SBF2: variants seen among roughly 807,000 people sequenced by gnomAD.
SBF2 encodes the protein myotubularin-related protein 13.
A neutral mutation model predicts 225.2 loss-of-function variants in SBF2; 112 were observed. The ratio of observed to expected loss-of-function variants is 0.50; its 90% CI spans 0.43 to 0.58. SBF2 has a LOEUF of 0.58. SBF2 is among the 20% of genes least tolerant of loss of function. SBF2 has a pLI of 0.00. For synonymous variants in SBF2, 763 were observed against 773.3 expected (o/e 0.99, Z 0.22); for missense variants, 1,996 against 2,206.2 (o/e 0.90, Z 1.91).
chr11:9,989,402 T>G lies in SBF2; in HGVS notation c.1395+95A>C, dbSNP rs374352471. On this transcript the variant is annotated intron_variant, in intron 13 of 39. Transcript: ENST00000256190. ...CACAAATCAACACTAAAGAGCTCAC[T>G]CACGTAACCACGTAACACCCGTACC... 4.6e-5 allele frequency: 34 copies of G among 746,328 alleles called. 1 individual carries two copies. The highest frequency in any genetic ancestry group is 3.0e-4 in the East Asian group (11 of 36,578). 46.2% of individuals were successfully genotyped at this position (746,328 alleles called of 1,614,324 possible). A position where few individuals can be genotyped will look rare whatever the true frequency, so the allele number is the denominator to read the frequency against.
rs1410722849 is a variant in SBF2 at position 10,259,450 on chromosome 11, C to T, written c.55+34565G>A. ...CATGCATTTCTTTTCTCTCACTCAA[C>T]AGGAAAACCTTGTCCTTAGAACCTA... is the stretch of plus-strand genomic sequence containing the variant. On this transcript the variant is annotated intron_variant, in intron 1 of 39. Transcript: ENST00000256190. Among the ~76,000 whole-genome samples, 4 of 152,268 alleles carry T rather than the reference C, an allele frequency of 2.6e-5. No homozygotes were observed. In the East Asian group the frequency reaches 7.7e-4, roughly 29 times the overall value.
chr11:10,263,334 G>GT (rs138113983), intron 1 of SBF2, among the ~76,000 whole-genome samples: 3,107 of 151,430 alleles, frequency 0.021, 100 homozygotes, highest in African/African-American at 0.063. Context: ...AAAAATTCAA[G>GT]TTTTTTTTTA....
chr11:9,812,754 TA>T (rs1228799051), intron 29 of SBF2, 46 bp from the exon 30 acceptor site: 2 of 1,594,024 alleles, frequency 1.3e-6, no homozygotes, highest in Non-Finnish European at 8.6e-7. Flanking sequence ...GTGCTATAGG[TA>T]AAAGAGTGAT....
chr11:10,227,767 T>A (rs1414293747), intron 1 of SBF2, among the ~76,000 whole-genome samples: 1 of 152,216 alleles, frequency 6.6e-6, no homozygotes, highest in Non-Finnish European at 1.5e-5. Flanking sequence ...TGCCTCCAGC[T>A]TTGTTCTTTT....
intron 2 of SBF2, among the ~76,000 whole-genome samples, chr11:10,151,303 T>C (rs1344080590): frequency 1.3e-5 from 2 of 152,236 alleles, no homozygotes; most frequent in African/African-American, 4.8e-5. Flanking sequence ...CTTTTTTCGC[T>C]GATTAGGGAG....
chr11:9,983,386 G>A (rs1248412878), intron 13 of SBF2, among the ~76,000 whole-genome samples: 1 of 152,110 alleles, frequency 6.6e-6, no homozygotes, highest in Non-Finnish European at 1.5e-5. Flanking sequence ...CCAGTGAGCT[G>A]GGAATCTCAC....
Position 9,803,808 on chromosome 11 carries a change from C to CA in SBF2, c.4443+4191dup, listed in dbSNP as rs565753571. 3.3e-3 allele frequency among the ~76,000 whole-genome samples: 509 copies of CA among 152,202 alleles called. 3 individuals carry two copies. Among genetic ancestry groups the CA allele is most frequent in the South Asian group, 5.0e-3 (24 of 4,814 alleles). ...AGGGAGTGGGGAGAATGGGAGGAAA[C>CA]ACAGCACTGGGCCAAAGCAATTCAG... On this transcript the variant is annotated intron_variant, in intron 32 of 39. Transcript: ENST00000256190.
At chr11:10,090,491 G>A (rs994753139) in intron 2 of SBF2, among the ~76,000 whole-genome samples, 6 of 152,202 alleles carry the variant, frequency 3.9e-5, no homozygotes, top group African/African-American at 1.2e-4. Context: ...GACGCTGGGC[G>A]CAGTGGCTCA....
intron 2 of SBF2, among the ~76,000 whole-genome samples, chr11:10,119,240 T>A (rs77421545): frequency 2.0e-5 from 3 of 152,112 alleles, no homozygotes; most frequent in African/African-American, 7.2e-5. Context: ...ACAAAGCTTG[T>A]CTTAGTACTT....
intron 13 of SBF2, among the ~76,000 whole-genome samples, chr11:9,975,645 A>C (rs956626135): frequency 5.9e-5 from 9 of 152,176 alleles, no homozygotes; most frequent in Non-Finnish European, 1.3e-4. Flanking sequence ...GATCATGATA[A>C]ACCTGACTTA....
chr11:10,280,567 G>A (rs1263783623), intron 1 of SBF2, among the ~76,000 whole-genome samples: 3 of 152,134 alleles, frequency 2.0e-5, no homozygotes, highest in Non-Finnish European at 4.4e-5. Flanking sequence ...CTGAAGAATA[G>A]GCATTCAAAG....
intron 2 of SBF2, among the ~76,000 whole-genome samples, chr11:10,088,445 G>T (rs1951662126): frequency 6.6e-6 from 1 of 152,172 alleles, no homozygotes. Flanking sequence ...AGGAACACCT[G>T]AGGGTAGGCA....
At chr11:9,923,984 C>G (rs1421243622) in intron 16 of SBF2, among the ~76,000 whole-genome samples, 1 of 152,202 alleles carries the variant, frequency 6.6e-6, no homozygotes, top group Non-Finnish European at 1.5e-5. Context: ...ATGCTCTCAA[C>G]TGTTCTCACT....
chr11:9,781,631 T>C lies in SBF2; in HGVS notation c.5327A>G (p.Tyr1776Cys), dbSNP rs1455157322. ...GCTTGTGTCCTCACCTGAGTCATAGTAGCGCAGCTGGAACCAAAAGGATAC... is the reference window on the plus strand; with the variant it reads ...GCTTGTGTCCTCACCTGAGTCATAGCAGCGCAGCTGGAACCAAAAGGATAC... ...VLDVTKHQLR[Y>C]YDSGEDTSCK... The change falls in exon 39 of 40, where the codon TAC (tyrosine) becomes TGC (cysteine). Residue 1776 changes from tyrosine to cysteine, a missense_variant. By Grantham distance (194) the Tyr-to-Cys change is radical. Transcript: ENST00000256190. 17 of 1,614,210 alleles carry C rather than the reference T, an allele frequency of 1.1e-5. No individual in the cohort carries two copies. Among genetic ancestry groups the C allele is most frequent in the East Asian group, 4.5e-5 (2 of 44,888 alleles).
At chr11:9,942,085 T>G (rs566344700) in intron 16 of SBF2, among the ~76,000 whole-genome samples, 1 of 152,346 alleles carries the variant, frequency 6.6e-6, no homozygotes, top group East Asian at 1.9e-4. Flanking sequence ...ATACATGTAT[T>G]TTTTGAGGCA....
intron 16 of SBF2, among the ~76,000 whole-genome samples, chr11:9,923,327 C>A (rs1269736092): frequency 1.3e-5 from 2 of 151,996 alleles, no homozygotes; most frequent in African/African-American, 4.8e-5. Flanking sequence ...ACAACAACAA[C>A]AACAACAAAA....
At chr11:10,039,691 A>C (rs577218341) in intron 3 of SBF2, among the ~76,000 whole-genome samples, 1 of 152,090 alleles carries the variant, frequency 6.6e-6, no homozygotes, top group East Asian at 1.9e-4. Context: ...AGCTTCTAAT[A>C]TTATTCCCTA....
At chr11:9,873,840 G>A (rs1354970932) in intron 17 of SBF2, among the ~76,000 whole-genome samples, 1 of 152,178 alleles carries the variant, frequency 6.6e-6, no homozygotes, top group African/African-American at 2.4e-5. Flanking sequence ...CCTGAGGTCA[G>A]GAGTTCGAGA....
At chr11:9,980,134 C>T (rs552280126) in intron 13 of SBF2, among the ~76,000 whole-genome samples, 3 of 151,904 alleles carry the variant, frequency 2.0e-5, no homozygotes, top group African/African-American at 7.2e-5. Context: ...GCACGTGCCA[C>T]CATGCCCGGC....
Sources: gnomAD v4.1 joint callset for allele counts (sites outside exome capture counted in the v4.1 genomes callset) on GRCh38, gnomAD v4.1.1 for gene constraint, MANE v1.5 for transcripts, NCBI Gene and HGNC (gene_info 2026-07-23, HGNC 2026-07-21) for gene names.